The following ADAMTS19 variants were observed in gnomAD, a reference collection of about 807,000 sequenced individuals.
The protein encoded by ADAMTS19 is A disintegrin and metalloproteinase with thrombospondin motifs 19.
A neutral mutation model predicts 153.3 loss-of-function variants in ADAMTS19; 93 were observed. That is an observed-to-expected ratio of 0.61 (90% confidence interval 0.51 to 0.72). The LOEUF is 0.72. ADAMTS19 is among the 30% of genes least tolerant of loss of function. The pLI is 0.00. For missense variants in ADAMTS19, 1,482 were observed against 1,552.1 expected, an observed-to-expected ratio of 0.95 and a Z score of 0.76; for synonymous variants, 600 against 556.6, an observed-to-expected ratio of 1.08 and a Z score of -1.10.
At chr5:129,685,174 C>T (rs1056165225) in intron 18 of ADAMTS19, among the ~76,000 whole-genome samples, 1 of 151,726 alleles carries the variant, frequency 6.6e-6, no homozygotes, top group African/African-American at 2.4e-5. Context: ...TAAATGCCAA[C>T]TGAGAATAGT....
chr5:129,522,265 C>T (rs1309134334), intron 3 of ADAMTS19, among the ~76,000 whole-genome samples: 3 of 124,658 alleles, frequency 2.4e-5, no homozygotes, highest in Non-Finnish European at 5.0e-5. Context: ...AATATATAAA[C>T]AACATATGTA....
intron 2 of ADAMTS19, among the ~76,000 whole-genome samples, chr5:129,492,901 G>A (rs1319948174): frequency 2.6e-5 from 4 of 152,102 alleles, no homozygotes; most frequent in Non-Finnish European, 4.4e-5. Flanking sequence ...GATAGTTTCT[G>A]TTTAAAATTA....
intron 16 of ADAMTS19, among the ~76,000 whole-genome samples, chr5:129,674,218 C>T (rs886883582): frequency 1.7e-5 from 2 of 115,574 alleles, no homozygotes; most frequent in African/African-American, 3.0e-5. Flanking sequence ...GCAACAAGAG[C>T]GAAACTCCAT....
intron 3 of ADAMTS19, among the ~76,000 whole-genome samples, chr5:129,516,546 T>A (rs1342093406): frequency 2.6e-5 from 4 of 151,878 alleles, no homozygotes; most frequent in Non-Finnish European, 5.9e-5. Context: ...TATCTAGGAA[T>A]TTGTCCATTT....
At chr5:129,649,199 G>A (rs941906412) in intron 13 of ADAMTS19, among the ~76,000 whole-genome samples, 4 of 152,218 alleles carry the variant, frequency 2.6e-5, no homozygotes, top group Admixed American at 6.5e-5. Flanking sequence ...ACAAAGCAGT[G>A]ACAACACTAA....
intron 15 of ADAMTS19, among the ~76,000 whole-genome samples, chr5:129,665,291 G>A (rs965800339): frequency 6.7e-6 from 1 of 149,722 alleles, no homozygotes; most frequent in African/African-American, 2.5e-5. Flanking sequence ...GTGCCTGTTT[G>A]TCCTCCGTAG....
At chr5:129,563,818 C>G in intron 7 of ADAMTS19, among the ~76,000 whole-genome samples, 1 of 152,124 alleles carries the variant, frequency 6.6e-6, no homozygotes, top group Admixed American at 6.5e-5. Context: ...TTTCTGACCT[C>G]TAGCTATTCA....
intron 10 of ADAMTS19, among the ~76,000 whole-genome samples, chr5:129,627,091 G>T (rs777859319): frequency 1.3e-5 from 2 of 152,032 alleles, no homozygotes; most frequent in Non-Finnish European, 2.9e-5. Context: ...ATCCAAGTAG[G>T]AATGTAAGCA....
At chr5:129,615,640 G>T (rs989947169) in intron 8 of ADAMTS19, among the ~76,000 whole-genome samples, 8 of 151,894 alleles carry the variant, frequency 5.3e-5, no homozygotes, top group Non-Finnish European at 1.2e-4. Flanking sequence ...ACACTCATAA[G>T]AACTAGCACC....
chr5:129,550,038 A>G (rs1457027360), intron 6 of ADAMTS19, among the ~76,000 whole-genome samples: 56 of 111,836 alleles, frequency 5.0e-4, no homozygotes, highest in Non-Finnish European at 1.0e-3. Flanking sequence ...CTAGATATAC[A>G]TATACATGTA....
intron 6 of ADAMTS19, among the ~76,000 whole-genome samples, chr5:129,550,698 T>C (rs1043846205): frequency 1.4e-5 from 2 of 144,226 alleles, no homozygotes; most frequent in African/African-American, 5.3e-5. Flanking sequence ...AAAAGTATTG[T>C]GCTTAATTTT....
chr5:129,516,921 T>C (rs888167215), intron 3 of ADAMTS19, among the ~76,000 whole-genome samples: 3 of 149,506 alleles, frequency 2.0e-5, no homozygotes, highest in Admixed American at 2.0e-4. Flanking sequence ...TAGGCACTTA[T>C]AAACTTCCCC....
At position 129,615,438 on chromosome 5, in the gene ADAMTS19, C is replaced by T. The variant is rs183721326; in HGVS notation, c.1479-5180C>T. Among the ~76,000 whole-genome samples, 333 of 152,062 alleles carry T rather than the reference C, an allele frequency of 2.2e-3. 1 individual carries two copies. The highest frequency in any genetic ancestry group is 6.8e-3 in the Middle Eastern group (2 of 294). ...CTAAAAATGTATCAAAATGCCATTT[C>T]TTAGACCTTACCTCTAAATATTCTA... On this transcript the variant is annotated intron_variant, in intron 8 of 22. Coordinates refer to ENST00000274487, the MANE Select transcript of ADAMTS19 (RefSeq NM_133638.6).
intron 7 of ADAMTS19, 25 bp downstream of exon 7, chr5:129,551,932 T>C: frequency 6.6e-7 from 1 of 1,523,618 alleles, no homozygotes; most frequent in Non-Finnish European, 8.9e-7. Context: ...TCTCACACTT[T>C]TGGAGTTCTG....
chr5:129,720,380 AG>A (rs1367603839), intron 21 of ADAMTS19, among the ~76,000 whole-genome samples: 2 of 151,974 alleles, frequency 1.3e-5, no homozygotes, highest in Non-Finnish European at 1.5e-5. Flanking sequence ...CACGTTGGCC[AG>A]TCTGGTCTCA....
At chr5:129,616,367 A>G (rs1252669603) in intron 8 of ADAMTS19, among the ~76,000 whole-genome samples, 2 of 152,004 alleles carry the variant, frequency 1.3e-5, no homozygotes, top group Admixed American at 6.6e-5. Flanking sequence ...TTTAGTGGGA[A>G]ATATTATGTC....
intron 7 of ADAMTS19, among the ~76,000 whole-genome samples, chr5:129,552,739 T>A (rs1753169565): frequency 6.6e-6 from 1 of 151,932 alleles, no homozygotes; most frequent in African/African-American, 2.4e-5. Context: ...AAACAGAACA[T>A]AGGGATATTA....
Position 129,640,055 on chromosome 5 carries a change from T to C in ADAMTS19, c.1771-1804T>C, listed in dbSNP as rs557317824. Among the ~76,000 whole-genome samples, 4 of 152,296 alleles carry C rather than the reference T, an allele frequency of 2.6e-5. No individual in the cohort carries two copies. In the East Asian group the frequency reaches 7.7e-4, roughly 29 times the overall value. ...ATTTTTGGTAAATGCTATGGGCAGT[T>C]AGAAGAAGCACACTAGTTAAGCTAA... On this transcript the variant is annotated intron_variant, in intron 10 of 22. Transcript: ENST00000274487.
intron 7 of ADAMTS19, among the ~76,000 whole-genome samples, chr5:129,579,557 T>C (rs1749402142): frequency 6.6e-6 from 1 of 152,198 alleles, no homozygotes; most frequent in Admixed American, 6.5e-5. Flanking sequence ...TCTTCTAGGA[T>C]TTTTATCATT....
Sources: allele counts gnomAD v4.1 joint callset (sites outside exome capture counted in the v4.1 genomes callset), GRCh38; gene constraint gnomAD v4.1.1; transcripts MANE v1.5; gene names NCBI Gene and HGNC (gene_info 2026-07-23, HGNC 2026-07-21).